The following LCLAT1 variants were observed in gnomAD, a reference collection of about 807,000 sequenced individuals.
LCLAT1 encodes lysocardiolipin acyltransferase 1, also known as 1-AGP acyltransferase 8.
In LCLAT1, 11 loss-of-function variants were observed where a neutral mutation model predicts 30.7. That is an observed-to-expected ratio of 0.36 (90% CI 0.23 to 0.59). The LOEUF (loss-of-function observed/expected upper bound fraction) is 0.59, where lower values mean the gene tolerates loss of function less well. Among genes scored for constraint, LCLAT1 ranks in the 20% least tolerant of loss-of-function variants. The pLI is 0.77. For synonymous variants in LCLAT1, 155 were observed against 151.3 expected (o/e 1.02, Z -0.18); for missense variants, 402 against 458.6 (o/e 0.88, Z 1.13).
chr2:30,498,437 G>A (rs13397800), intron 1 of LCLAT1, among the ~76,000 whole-genome samples: 19,174 of 152,192 alleles, frequency 0.13, 1,344 homozygotes, highest in South Asian at 0.22. Flanking sequence ...GAAAAGTAAG[G>A]GACTAAGGCA....
chr2:30,508,170 G>C (rs1181051759), intron 1 of LCLAT1, among the ~76,000 whole-genome samples: 1 of 151,926 alleles, frequency 6.6e-6, no homozygotes, highest in African/African-American at 2.4e-5. Flanking sequence ...TTTTATAGAT[G>C]CTGGATATTA....
chr2:30,599,351 A>G (rs1667075782), intron 5 of LCLAT1, among the ~76,000 whole-genome samples: 2 of 152,152 alleles, frequency 1.3e-5, no homozygotes, highest in African/African-American at 4.8e-5. Context: ...TTATGATTTC[A>G]GTACTTTTGC....
chr2:30,530,830 C>T (rs1254110950), intron 2 of LCLAT1, among the ~76,000 whole-genome samples: 4 of 152,068 alleles, frequency 2.6e-5, no homozygotes, highest in African/African-American at 9.7e-5. Flanking sequence ...ATATGTGAGC[C>T]ACCACACCCA....
At chr2:30,524,595 C>T (rs1558495900) in intron 1 of LCLAT1, among the ~76,000 whole-genome samples, 1 of 152,156 alleles carries the variant, frequency 6.6e-6, no homozygotes, top group Non-Finnish European at 1.5e-5. Flanking sequence ...CCATGCCTCT[C>T]TCGTCGCATC....
chr2:30,542,720 G>C (rs1290705197), intron 3 of LCLAT1, among the ~76,000 whole-genome samples: 2 of 151,914 alleles, frequency 1.3e-5, no homozygotes, highest in African/African-American at 4.8e-5. Context: ...TTCACAACTT[G>C]CATTTGATTT....
chr2:30,548,168 G>T (rs756828105), intron 3 of LCLAT1, among the ~76,000 whole-genome samples: 16 of 152,082 alleles, frequency 1.1e-4, no homozygotes, highest in Non-Finnish European at 2.1e-4. Flanking sequence ...TTTGATGCAT[G>T]GCCGGGAGGG....
Position 30,447,249 on chromosome 2 carries a change from A to G in LCLAT1, c.-139A>G, listed in dbSNP as rs1354257536. Reference sequence around the variant, plus strand: ...ACGTAGCCTTCCGGGACGCATTACTAGGGCGACGGCCGGACGCCTCCGCGT... The same window carrying G: ...ACGTAGCCTTCCGGGACGCATTACTGGGGCGACGGCCGGACGCCTCCGCGT... On this transcript the variant is annotated 5_prime_UTR_variant, in exon 1 of 6. Transcript: ENST00000379509. 6.6e-6 allele frequency: 1 copy of G among 151,896 alleles called. No homozygotes were observed. Among genetic ancestry groups the G allele is most frequent in the Non-Finnish European group, 1.5e-5 (1 of 67,986 alleles). 9.4% of individuals were successfully genotyped at this position (151,896 alleles called of 1,614,324 possible). A position where few individuals can be genotyped will look rare whatever the true frequency, so the allele number is the denominator to read the frequency against.
chr2:30,520,399 G>T (rs570578566), intron 1 of LCLAT1, among the ~76,000 whole-genome samples: 1 of 152,178 alleles, frequency 6.6e-6, no homozygotes, highest in East Asian at 1.9e-4. Flanking sequence ...TTAAAAATAG[G>T]TGTATATTTA....
rs956461429 is a variant in LCLAT1, at chr2:30,641,260, A to C, written c.*641A>C. ...TTCTCTCGTGGAAGATAAAACCTGG[A>C]CTCAGGGAGCAACCACAGGCTCTCC... is the stretch of plus-strand genomic sequence containing the variant. On this transcript the variant is annotated 3_prime_UTR_variant, in exon 6 of 6. Coordinates refer to ENST00000379509, the MANE Select transcript of LCLAT1 (RefSeq NM_001002257.3). 6.6e-6 allele frequency: 1 copy of C among 152,190 alleles called. No individual in the cohort carries two copies. The highest frequency in any genetic ancestry group is 1.5e-5 in the Non-Finnish European group (1 of 68,050). 9.4% of individuals were successfully genotyped at this position (152,190 alleles called of 1,614,324 possible). A position where few individuals can be genotyped will look rare whatever the true frequency, so the allele number is the denominator to read the frequency against.
At position 30,598,414 on chromosome 2, in the gene LCLAT1, C is replaced by CTT. The variant is rs58514140; in HGVS notation, c.628+30252_628+30253dup. On this transcript the variant is annotated intron_variant, in intron 5 of 5. Coordinates refer to ENST00000379509, the MANE Select transcript of LCLAT1 (RefSeq NM_001002257.3). ...AATTTATCCATTTCTTCTAGATTTT[C>CTT]TTTTTTTTTTTTTTTATTTGCAGAG... Among the ~76,000 whole-genome samples, 955 of 135,972 alleles carry CTT rather than the reference C, an allele frequency of 7.0e-3. 17 individuals carry two copies. The highest frequency in any genetic ancestry group is 0.024 in the African/African-American group (887 of 37,320). 89.2% of individuals were successfully genotyped at this position (135,972 alleles called of 152,430 possible).
At chr2:30,516,902 T>G (rs1008293117) in intron 1 of LCLAT1, among the ~76,000 whole-genome samples, 1 of 152,170 alleles carries the variant, frequency 6.6e-6, no homozygotes, top group African/African-American at 2.4e-5. Flanking sequence ...ACAGCCCCCA[T>G]CTGAGTTGGG....
rs374258529 is a variant in LCLAT1, at chr2:30,449,096, T to G, written c.-5+1713T>G. Among the ~76,000 whole-genome samples, 4 of 152,210 alleles carry G rather than the reference T, an allele frequency of 2.6e-5. No individual in the cohort carries two copies. In the East Asian group the frequency reaches 7.7e-4, roughly 29 times the overall value. ...ATCTTTATTTTGCAGATGAGGAAAC[T>G]GAAGCACATTGAAGTTTAAGTAATT... On this transcript the variant is annotated intron_variant, in intron 1 of 5. Transcript: ENST00000379509.
intron 1 of LCLAT1, among the ~76,000 whole-genome samples, chr2:30,505,700 C>T (rs971592236): frequency 2.0e-5 from 3 of 152,088 alleles, no homozygotes; most frequent in African/African-American, 7.2e-5. Flanking sequence ...CTGCTCCACA[C>T]CTCCCAAGGA....
chr2:30,492,828 AGTT>A (rs1449277519), intron 1 of LCLAT1, among the ~76,000 whole-genome samples: 3 of 152,174 alleles, frequency 2.0e-5, no homozygotes, highest in Non-Finnish European at 4.4e-5. Context: ...ATAACTTGAC[AGTT>A]GTTTATTTTT....
chr2:30,476,706 T>C, intron 1 of LCLAT1: 1 of 314,918 alleles, frequency 3.2e-6, no homozygotes, highest in Non-Finnish European at 6.4e-6. Flanking sequence ...ACGCAATAAA[T>C]GTAATGTGCT....
intron 1 of LCLAT1, chr2:30,459,767 T>C: frequency 1.6e-6 from 2 of 1,270,954 alleles, no homozygotes; most frequent in Non-Finnish European, 2.3e-6. Flanking sequence ...TTTGTCTTGC[T>C]TCATATATCT....
Position 30,598,829 on chromosome 2 carries a change from G to C in LCLAT1, c.628+30653G>C, listed in dbSNP as rs180770976. ...TCTTAACACTGCTTTAGCTGTGTTC[G>C]AGATTCCAGTACATTATCTCTTTGT... On this transcript the variant is annotated intron_variant, in intron 5 of 5. Transcript: ENST00000379509. Among the ~76,000 whole-genome samples the C allele has an allele frequency of 7.4e-3, 1,125 of 152,136 alleles. 4 individuals carry two copies. Among genetic ancestry groups the C allele is most frequent in the Non-Finnish European group, 0.013 (906 of 67,992 alleles).
chr2:30,563,987 T>C (rs1260898176), intron 4 of LCLAT1, among the ~76,000 whole-genome samples: 2 of 152,186 alleles, frequency 1.3e-5, no homozygotes, highest in African/African-American at 2.4e-5. Context: ...CTGTGTAGTA[T>C]ATTTTTGATT....
intron 5 of LCLAT1, among the ~76,000 whole-genome samples, chr2:30,577,361 C>T (rs1195070917): frequency 6.6e-6 from 1 of 152,182 alleles, no homozygotes; most frequent in Non-Finnish European, 1.5e-5. Context: ...TTCTCAGTGG[C>T]TTTCACTCCC....
Sources: allele counts gnomAD v4.1 joint callset (sites outside exome capture counted in the v4.1 genomes callset), GRCh38; gene constraint gnomAD v4.1.1; transcripts MANE v1.5; gene names NCBI Gene and HGNC (gene_info 2026-07-23, HGNC 2026-07-21).